VAV3: variants seen among roughly 807,000 people sequenced by gnomAD.
VAV3 encodes guanine nucleotide exchange factor VAV3.
In VAV3, 94 loss-of-function variants were observed where a neutral mutation model predicts 131.2. That is an observed-to-expected ratio of 0.72 (90% CI 0.61 to 0.85). VAV3 has a LOEUF of 0.85. Ranked by LOEUF, VAV3 falls within the 40% of genes least tolerant of loss-of-function variation. VAV3 has a pLI of 0.00. For synonymous variants in VAV3, 349 were observed against 342.0 expected (o/e 1.02, Z -0.22); for missense variants, 939 against 1,002.7 (o/e 0.94, Z 0.86).
chr1:107,679,084 T>C (rs912761655), intron 19 of VAV3, among the ~76,000 whole-genome samples: 12 of 152,154 alleles, frequency 7.9e-5, no homozygotes, highest in Non-Finnish European at 1.6e-4. Flanking sequence ...AGAAATGAAA[T>C]TGGTAATGAA....
intron 2 of VAV3, among the ~76,000 whole-genome samples, chr1:107,825,157 G>A (rs769653836): frequency 1.1e-4 from 17 of 152,118 alleles, no homozygotes; most frequent in Non-Finnish European, 1.5e-4. Context: ...GGCCGAACAA[G>A]CCTAAAATAG....
At chr1:107,950,916 C>T (rs1409817141) in intron 1 of VAV3, among the ~76,000 whole-genome samples, 1 of 152,120 alleles carries the variant, frequency 6.6e-6, no homozygotes, top group Non-Finnish European at 1.5e-5. Context: ...TCTTTACTTT[C>T]AGTACTTTAG....
intron 15 of VAV3, among the ~76,000 whole-genome samples, chr1:107,712,771 G>A (rs1238498580): frequency 6.6e-6 from 1 of 152,212 alleles, no homozygotes; most frequent in Non-Finnish European, 1.5e-5. Flanking sequence ...GGCTTGTAGG[G>A]TGGAAGCGGG....
At chr1:107,586,194 A>C (rs1297263918) in intron 25 of VAV3, among the ~76,000 whole-genome samples, 4 of 149,018 alleles carry the variant, frequency 2.7e-5, no homozygotes, top group Non-Finnish European at 4.4e-5. Flanking sequence ...TAATACACTT[A>C]ATTATTTTTC....
chr1:107,875,327 T>C (rs1048552228), intron 1 of VAV3, among the ~76,000 whole-genome samples: 3 of 151,808 alleles, frequency 2.0e-5, no homozygotes, highest in Admixed American at 6.6e-5. Flanking sequence ...GTAAGTGCAA[T>C]AGAGAAAAAT....
intron 2 of VAV3, among the ~76,000 whole-genome samples, chr1:107,800,735 G>T (rs867368550): frequency 3.9e-4 from 59 of 152,018 alleles, no homozygotes; most frequent in African/African-American, 1.3e-3. Context: ...CTTGTTATAT[G>T]GATAGTTTGC....
In VAV3 at chr1:107,752,813, G is replaced by T. The variant is rs555717561; in HGVS notation, c.1174-1611C>A. ...CAAACCGAATAGTGAGTGTTGGTAAGGATGTGGAAAAACTGAAACCCTTGT... is the reference window on the plus strand; with the variant it reads ...CAAACCGAATAGTGAGTGTTGGTAATGATGTGGAAAAACTGAAACCCTTGT... On this transcript the variant is annotated intron_variant, in intron 12 of 26. Coordinates refer to ENST00000370056, the MANE Select transcript of VAV3 (RefSeq NM_006113.5). 1.4e-4 allele frequency among the ~76,000 whole-genome samples: 22 copies of T among 152,306 alleles called. No homozygotes were observed. The East Asian group carries it at 4.2e-3, about 29-fold the overall frequency.
intron 2 of VAV3, among the ~76,000 whole-genome samples, chr1:107,786,100 A>T (rs537644260): frequency 4.5e-4 from 68 of 152,344 alleles, no homozygotes; most frequent in African/African-American, 1.6e-3. Context: ...AAAGCAGTAC[A>T]GCCAGATAAG....
chr1:107,884,066 A>G (rs1571089799), intron 1 of VAV3, among the ~76,000 whole-genome samples: 1 of 152,202 alleles, frequency 6.6e-6, no homozygotes, highest in Non-Finnish European at 1.5e-5. Context: ...CTTTGGTGAA[A>G]GAAAGTAGCA....
At chr1:107,706,861 G>T (rs1660485876) in intron 15 of VAV3, among the ~76,000 whole-genome samples, 1 of 152,170 alleles carries the variant, frequency 6.6e-6, no homozygotes, top group African/African-American at 2.4e-5. Flanking sequence ...AGAAACTCAT[G>T]TAAATAAGTT....
At chr1:107,734,153 C>G (rs11806453) in intron 15 of VAV3, among the ~76,000 whole-genome samples, 1 of 151,882 alleles carries the variant, frequency 6.6e-6, no homozygotes, top group Non-Finnish European at 1.5e-5. Flanking sequence ...TACAAACAAG[C>G]AAATGCTGAG....
At chr1:107,881,695 G>C (rs563555592) in intron 1 of VAV3, among the ~76,000 whole-genome samples, 39 of 152,162 alleles carry the variant, frequency 2.6e-4, no homozygotes, top group Non-Finnish European at 5.0e-4. Flanking sequence ...AACTTCCGAA[G>C]AAGAAAGTTT....
intron 25 of VAV3, among the ~76,000 whole-genome samples, chr1:107,574,963 C>CTCTCTGTGTGTGTGTGTGTG (rs1304869776): frequency 4.9e-5 from 4 of 81,112 alleles, no homozygotes; most frequent in African/African-American, 1.8e-4. Flanking sequence ...TTGAGTTTCT[C>CTCTCTGTGTGTGTGTGTGTG]TGTGTGTGTG....
intron 15 of VAV3, among the ~76,000 whole-genome samples, chr1:107,712,882 T>C (rs1660868343): frequency 6.6e-6 from 1 of 152,220 alleles, no homozygotes; most frequent in Non-Finnish European, 1.5e-5. Flanking sequence ...ACGTAAATTA[T>C]GACCTTGTCG....
chr1:107,938,501 G>C (rs955906764), intron 1 of VAV3, among the ~76,000 whole-genome samples: 2 of 152,140 alleles, frequency 1.3e-5, no homozygotes, highest in African/African-American at 4.8e-5. Flanking sequence ...AGATAAGAAA[G>C]GGGCAGAAAT....
At chr1:107,924,764 T>A (rs345306) in intron 1 of VAV3, among the ~76,000 whole-genome samples, 6 of 151,890 alleles carry the variant, frequency 4.0e-5, no homozygotes, top group Non-Finnish European at 7.4e-5. Flanking sequence ...GAAAAAAAAC[T>A]GTGACCATAT....
At chr1:107,696,226 T>C (rs1040988315) in intron 17 of VAV3, among the ~76,000 whole-genome samples, 1 of 152,224 alleles carries the variant, frequency 6.6e-6, no homozygotes, top group African/African-American at 2.4e-5. Flanking sequence ...AATATATGTA[T>C]ACAAAGTGTT....
At chr1:107,882,027 T>C (rs185352051) in intron 1 of VAV3, among the ~76,000 whole-genome samples, 1 of 151,666 alleles carries the variant, frequency 6.6e-6, no homozygotes, top group Non-Finnish European at 1.5e-5. Context: ...ACAGGATGGC[T>C]TCCCTTTTTA....
chr1:107,576,655 C>T (rs1406608096), intron 25 of VAV3, among the ~76,000 whole-genome samples: 1 of 152,182 alleles, frequency 6.6e-6, no homozygotes, highest in Non-Finnish European at 1.5e-5. Flanking sequence ...TATCCTTTTA[C>T]AGGCAAACAC....
Sources: allele counts gnomAD v4.1 joint callset (sites outside exome capture counted in the v4.1 genomes callset), GRCh38; gene constraint gnomAD v4.1.1; transcripts MANE v1.5; gene names NCBI Gene and HGNC (gene_info 2026-07-23, HGNC 2026-07-21).